The following MREG variants were observed in gnomAD, a reference collection of about 807,000 sequenced individuals.
MREG encodes the protein dilute suppressor protein homolog.
In MREG, 31 loss-of-function variants were observed where a neutral mutation model predicts 28.5. The ratio of observed to expected loss-of-function variants is 1.09; its 90% CI spans 0.82 to 1.47. The LOEUF (loss-of-function observed/expected upper bound fraction) is 1.47. MREG is among the 40% of genes most tolerant of loss of function. The pLI, the probability that MREG is intolerant of heterozygous loss-of-function variation, is 0.00. For missense variants in MREG, 256 were observed against 257.4 expected (o/e 0.99, Z 0.04); for synonymous variants, 106 against 95.2 (o/e 1.11, Z -0.66).
intron 2 of MREG, 106 bp from the exon 3 acceptor site, chr2:215,947,219 A>T (rs1376861978): frequency 8.9e-6 from 6 of 674,758 alleles, no homozygotes; most frequent in Non-Finnish European, 1.3e-5. Flanking sequence ...TCTTTTATTA[A>T]TCTTCAAAGC....
intron 1 of MREG, among the ~76,000 whole-genome samples, chr2:215,997,651 A>T (rs1008507121): frequency 6.6e-6 from 1 of 152,208 alleles, no homozygotes; most frequent in Non-Finnish European, 1.5e-5. Flanking sequence ...GATAAGTGCC[A>T]TTAAGTGGGA....
At chr2:215,958,378 T>A (rs1276110774) in intron 2 of MREG, among the ~76,000 whole-genome samples, 1 of 152,186 alleles carries the variant, frequency 6.6e-6, no homozygotes, top group Non-Finnish European at 1.5e-5. Flanking sequence ...CTCACTCACA[T>A]GATGGGCCTC....
At chr2:216,024,957 G>C (rs1433468506) in intron 1 of MREG, among the ~76,000 whole-genome samples, 1 of 128,592 alleles carries the variant, frequency 7.8e-6, no homozygotes, top group African/African-American at 3.2e-5. Context: ...GGAAGGGAAA[G>C]GAAAGGAAAG....
chr2:216,007,264 T>G (rs1694178897), intron 1 of MREG, among the ~76,000 whole-genome samples: 1 of 152,128 alleles, frequency 6.6e-6, no homozygotes, highest in Non-Finnish European at 1.5e-5. Context: ...AGGACATTCA[T>G]GAACATGCCT....
intron 2 of MREG, among the ~76,000 whole-genome samples, chr2:215,955,739 T>A (rs995705331): frequency 1.3e-5 from 2 of 152,188 alleles, no homozygotes; most frequent in African/African-American, 2.4e-5. Flanking sequence ...TTTCTGTCAT[T>A]TTGTAGGTAG....
At chr2:216,006,612 A>G (rs574713358) in intron 1 of MREG, among the ~76,000 whole-genome samples, 1 of 152,296 alleles carries the variant, frequency 6.6e-6, no homozygotes, top group South Asian at 2.1e-4. Flanking sequence ...GGAAAACCCA[A>G]TAGTATGTGC....
intron 1 of MREG, among the ~76,000 whole-genome samples, chr2:216,010,910 C>T (rs1694287939): frequency 2.7e-5 from 4 of 150,906 alleles, no homozygotes; most frequent in Admixed American, 6.6e-5. Context: ...TCCTGGATAA[C>T]ACGGTGAAAC....
At chr2:216,007,681 TG>T (rs1463927394) in intron 1 of MREG, among the ~76,000 whole-genome samples, 1 of 151,828 alleles carries the variant, frequency 6.6e-6, no homozygotes, top group Non-Finnish European at 1.5e-5. Flanking sequence ...CCACCTGTCT[TG>T]GTCTTCCGAA....
At chr2:216,032,133 ACT>A (rs1180665745) in intron 1 of MREG, among the ~76,000 whole-genome samples, 1 of 152,032 alleles carries the variant, frequency 6.6e-6, no homozygotes, top group African/African-American at 2.4e-5. Context: ...TACAGAAATG[ACT>A]CTTTTTCTTC....
intron 2 of MREG, among the ~76,000 whole-genome samples, chr2:215,947,695 T>C (rs1047247022): frequency 2.0e-5 from 3 of 152,172 alleles, no homozygotes; most frequent in African/African-American, 7.2e-5. Flanking sequence ...GACCTGAAAA[T>C]CCCAAGTTTC....
At chr2:216,017,911 G>C (rs1223318301), upstream of MREG, among the ~76,000 whole-genome samples, 1 of 151,692 alleles carries the variant, frequency 6.6e-6, no homozygotes, top group African/African-American at 2.4e-5. Context: ...AGCACTTTGA[G>C]AGGCCAAGGT....
intron 2 of MREG, among the ~76,000 whole-genome samples, chr2:215,983,168 C>T (rs1488399661): frequency 2.0e-5 from 3 of 152,170 alleles, no homozygotes; most frequent in East Asian, 1.9e-4. Context: ...TTTGCTCCTC[C>T]GTGGTTGGGG....
intron 2 of MREG, among the ~76,000 whole-genome samples, chr2:215,959,149 C>T (rs1257456462): frequency 1.3e-5 from 2 of 152,130 alleles, no homozygotes; most frequent in Non-Finnish European, 2.9e-5. Context: ...GTCTTTTTCT[C>T]ACCTCTATCT....
In MREG at chr2:215,995,425, T is replaced by G. The variant is rs535734882; in HGVS notation, c.255+881A>C. ...CACCTCCTGCTAAAATATGTTTTTT[T>G]GGGAAAAGAAAAGTTACCAATTACC... On this transcript the variant is annotated intron_variant, in intron 2 of 4. Coordinates refer to ENST00000263268, the MANE Select transcript of MREG (RefSeq NM_018000.3). Among the ~76,000 whole-genome samples, 3 of 152,204 alleles carry G rather than the reference T, an allele frequency of 2.0e-5. 1 individual carries two copies. Among genetic ancestry groups the G allele is most frequent in the African/African-American group, 7.2e-5 (3 of 41,504 alleles).
At chr2:215,953,759 C>G (rs1692544750) in intron 2 of MREG, among the ~76,000 whole-genome samples, 1 of 152,192 alleles carries the variant, frequency 6.6e-6, no homozygotes, top group Non-Finnish European at 1.5e-5. Flanking sequence ...TAGCCAATTC[C>G]ATTTGGGTTT....
chr2:215,963,385 G>A (rs997391650), intron 2 of MREG, among the ~76,000 whole-genome samples: 10 of 147,126 alleles, frequency 6.8e-5, no homozygotes, highest in African/African-American at 1.0e-4. Flanking sequence ...GGCCGAGATC[G>A]TGATCATGCC....
At chr2:215,995,511 C>CCCCCCCCCCCCCCCCCG (rs146414052) in intron 2 of MREG, among the ~76,000 whole-genome samples, 4 of 136,120 alleles carry the variant, frequency 2.9e-5, no homozygotes, top group African/African-American at 9.6e-5. Context: ...CCCACCCCAC[C>CCCCCCCCCCCCCCCCCG]CCCCGCCACC....
At chr2:215,969,352 T>C (rs1443116540) in intron 2 of MREG, among the ~76,000 whole-genome samples, 2 of 152,198 alleles carry the variant, frequency 1.3e-5, no homozygotes, top group African/African-American at 4.8e-5. Flanking sequence ...GATCAACATC[T>C]GAACCACAAT....
chr2:215,970,338 T>A (rs1693054916), intron 2 of MREG, among the ~76,000 whole-genome samples: 1 of 152,158 alleles, frequency 6.6e-6, no homozygotes, highest in South Asian at 2.1e-4. Flanking sequence ...TCAGACTTCT[T>A]GCCCCCAGAA....
Sources: gnomAD v4.1 joint callset for allele counts (sites outside exome capture counted in the v4.1 genomes callset) on GRCh38, gnomAD v4.1.1 for gene constraint, MANE v1.5 for transcripts, NCBI Gene and HGNC (gene_info 2026-07-23, HGNC 2026-07-21) for gene names.